Variants in ARHGEF10L observed in about 807,000 individuals in gnomAD.
ARHGEF10L encodes the protein rho guanine nucleotide exchange factor 10-like protein.
A neutral mutation model predicts 141.2 loss-of-function variants in ARHGEF10L; 69 were observed. The ratio of observed to expected loss-of-function variants is 0.49; its 90% CI spans 0.40 to 0.60. The LOEUF is 0.60. Among genes scored for constraint, ARHGEF10L ranks in the 20% least tolerant of loss-of-function variants. The pLI, the probability that ARHGEF10L is intolerant of heterozygous loss-of-function variation, is 0.00. For missense variants in ARHGEF10L, 1,482 were observed against 1,734.3 expected (o/e 0.85, Z 2.58); for synonymous variants, 711 against 718.5 (o/e 0.99, Z 0.17).
At chr1:17,691,343 T>C (rs1489657540) in intron 27 of ARHGEF10L, among the ~76,000 whole-genome samples, 2 of 152,196 alleles carry the variant, frequency 1.3e-5, no homozygotes, top group African/African-American at 4.8e-5. Context: ...GGTCTGCAGA[T>C]GAAGCCATTT....
intron 26 of ARHGEF10L, among the ~76,000 whole-genome samples, chr1:17,677,138 C>T (rs2063775116): frequency 6.6e-6 from 1 of 152,100 alleles, no homozygotes; most frequent in East Asian, 1.9e-4. Flanking sequence ...ATCAGCAGGG[C>T]ATAGGAAATC....
At position 17,683,311 on chromosome 1, in the gene ARHGEF10L, CCGGGT is replaced by C. The variant is rs2064284114; in HGVS notation, c.3010-4261_3010-4257del. On this transcript the variant is annotated intron_variant, in intron 26 of 28. Transcript: ENST00000361221. ...GGTGCTCACTGCCCCCTGCTCTCACCCGGGTGCTCACTGCCCCCTGCTCTCACCGG... is the reference window on the plus strand; with the variant it reads ...GGTGCTCACTGCCCCCTGCTCTCACCGCTCACTGCCCCCTGCTCTCACCGG... Among the ~76,000 whole-genome samples the C allele has an allele frequency of 1.8e-5, 2 of 113,352 alleles. 1 individual carries two copies. The highest frequency in any genetic ancestry group is 6.9e-5 in the African/African-American group (2 of 28,976). The allele number at this position is 113,352 out of a possible 152,430, so 74.4% of individuals were successfully genotyped here. A position where few individuals can be genotyped will look rare whatever the true frequency, so the allele number is the denominator to read the frequency against.
chr1:17,530,324 A>C, the ARHGEF10L span, among the ~76,000 whole-genome samples: 4 of 152,160 alleles, frequency 2.6e-5, no homozygotes, highest in African/African-American at 9.7e-5. Context: ...TGGCACCCCC[A>C]CTTAATCAGC....
At chr1:17,592,111 G>GA (rs2079596033) in intron 4 of ARHGEF10L, among the ~76,000 whole-genome samples, 1 of 152,136 alleles carries the variant, frequency 6.6e-6, no homozygotes. Context: ...AGTCGTGGTT[G>GA]AAAGAGCAGC....
intron 27 of ARHGEF10L, among the ~76,000 whole-genome samples, chr1:17,689,351 C>A (rs1454461920): frequency 6.6e-6 from 1 of 151,648 alleles, no homozygotes. Flanking sequence ...CTGTCCTGGG[C>A]CGGCAGGGTG....
chr1:17,649,358 A>T (rs891480565), intron 22 of ARHGEF10L, among the ~76,000 whole-genome samples: 3 of 152,164 alleles, frequency 2.0e-5, no homozygotes, highest in African/African-American at 7.2e-5. Flanking sequence ...CTCGCCCTCC[A>T]TCTAGAGCAA....
rs1238753723 is a variant in ARHGEF10L, at chr1:17,623,469, C to T, written c.1200+294C>T. The stretch of plus-strand genomic sequence containing the variant: ...GCCTCCCAGTCACTGTGGGCAGCCA[C>T]CTGGCCGGTCACAAGCTCTCTTACC... On this transcript the variant is annotated intron_variant, in intron 12 of 28. Transcript: ENST00000361221. This position sits in a 1 kb window ranked among gnomAD's most constrained non-coding sequence, Gnocchi z 4.7. Among the ~76,000 whole-genome samples the T allele has an allele frequency of 6.6e-6, 1 of 152,184 alleles. No individual in the cohort carries two copies. Among genetic ancestry groups the T allele is most frequent in the African/African-American group, 2.4e-5 (1 of 41,456 alleles).
At chr1:17,534,002 C>G in the ARHGEF10L span, among the ~76,000 whole-genome samples, 1 of 151,922 alleles carries the variant, frequency 6.6e-6, no homozygotes, top group African/African-American at 2.4e-5. Context: ...TGCTATGTCT[C>G]TCAGGCTGGA....
intron 2 of ARHGEF10L, among the ~76,000 whole-genome samples, chr1:17,585,472 G>A (rs1197718647): frequency 6.6e-6 from 1 of 152,076 alleles, no homozygotes; most frequent in Non-Finnish European, 1.5e-5. Flanking sequence ...AGGCCACATC[G>A]CTGCCCAGAG....
At chr1:17,666,538 G>A (rs886135222) in intron 26 of ARHGEF10L, among the ~76,000 whole-genome samples, 2 of 152,086 alleles carry the variant, frequency 1.3e-5, no homozygotes, top group African/African-American at 4.8e-5. Flanking sequence ...ACCTGGCAGT[G>A]AGGACCTTTA....
At chr1:17,617,162 T>C (rs534016469) in intron 9 of ARHGEF10L, among the ~76,000 whole-genome samples, 206 of 152,388 alleles carry the variant, frequency 1.4e-3, no homozygotes, top group African/African-American at 4.8e-3. Flanking sequence ...TCAGCCTTGC[T>C]GGGCATTTGC....
intron 26 of ARHGEF10L, among the ~76,000 whole-genome samples, chr1:17,682,278 A>T (rs2064183039): frequency 6.6e-6 from 1 of 152,060 alleles, no homozygotes; most frequent in Non-Finnish European, 1.5e-5. Flanking sequence ...TAGATTTGAG[A>T]TCCTGGAGTC....
At chr1:17,679,290 G>T (rs1215838146) in intron 26 of ARHGEF10L, among the ~76,000 whole-genome samples, 1 of 152,212 alleles carries the variant, frequency 6.6e-6, no homozygotes, top group Non-Finnish European at 1.5e-5. Context: ...TCTGCTCCTG[G>T]TGCACAACCT....
chr1:17,552,571 G>GTTTTTTTTTT (rs34766409), intron 1 of ARHGEF10L, among the ~76,000 whole-genome samples: 7 of 44,934 alleles, frequency 1.6e-4, no homozygotes, highest in Admixed American at 3.4e-4. Context: ...GCTAATTTTC[G>GTTTTTTTTTT]TTTTTTTTTT....
chr1:17,624,961 G>A (rs1405045806), intron 13 of ARHGEF10L, among the ~76,000 whole-genome samples: 1 of 152,232 alleles, frequency 6.6e-6, no homozygotes, highest in Non-Finnish European at 1.5e-5. Context: ...GTTCTCATGT[G>A]CCCAGCCTCT....
intron 2 of ARHGEF10L, among the ~76,000 whole-genome samples, chr1:17,585,479 A>G (rs1441896785): frequency 6.6e-6 from 1 of 152,136 alleles, no homozygotes; most frequent in East Asian, 1.9e-4. Flanking sequence ...ATCGCTGCCC[A>G]GAGTCCACCC....
rs1025561388 is a variant in ARHGEF10L, at chr1:17,552,238, T to G, written c.-44+12288T>G. Among the ~76,000 whole-genome samples, 39 of 152,246 alleles carry G rather than the reference T, an allele frequency of 2.6e-4. 1 individual carries two copies. The highest frequency in any genetic ancestry group is 9.1e-4 in the African/African-American group (38 of 41,550). ...GGGAGCACTTCCCAGAGCCCTGTGC[T>G]ATGAGCTCTGTCACTTTGGGCAGGT... On this transcript the variant is annotated intron_variant, in intron 1 of 28. Coordinates refer to ENST00000361221, the MANE Select transcript of ARHGEF10L (RefSeq NM_018125.4).
chr1:17,677,826 T>A (rs2063819929), intron 26 of ARHGEF10L, among the ~76,000 whole-genome samples: 1 of 152,128 alleles, frequency 6.6e-6, no homozygotes, highest in African/African-American at 2.4e-5. Context: ...GGCCTGTGGG[T>A]TTATTGTTTC....
At chr1:17,680,104 C>T (rs1331826817) in intron 26 of ARHGEF10L, among the ~76,000 whole-genome samples, 2 of 152,194 alleles carry the variant, frequency 1.3e-5, no homozygotes, top group African/African-American at 2.4e-5. Flanking sequence ...CTGCCCTGCC[C>T]CTGCCCATCT....
Sources: gnomAD v4.1 joint callset for allele counts (sites outside exome capture counted in the v4.1 genomes callset) on GRCh38, gnomAD v4.1.1 for gene constraint, Gnocchi (gnomAD v3.1) non-coding constraint, MANE v1.5 for transcripts, NCBI Gene and HGNC (gene_info 2026-07-23, HGNC 2026-07-21) for gene names.